The following SEMA5A variants were observed in gnomAD, a reference collection of about 807,000 sequenced individuals.
SEMA5A encodes semaphorin-5A.
SEMA5A carries 55 observed loss-of-function variants against 135.5 expected under a neutral mutation model. The ratio of observed to expected loss-of-function variants is 0.41; its 90% CI spans 0.33 to 0.51. SEMA5A has a LOEUF of 0.51. SEMA5A is among the 20% of genes least tolerant of loss of function. SEMA5A has a pLI of 0.37. For synonymous variants in SEMA5A, 580 were observed against 546.5 expected (o/e 1.06, Z -0.85); for missense variants, 1,290 against 1,419.9 (o/e 0.91, Z 1.47).
intron 16 of SEMA5A, among the ~76,000 whole-genome samples, chr5:9,073,297 G>C (rs544427149): frequency 1.3e-5 from 2 of 152,184 alleles, no homozygotes; most frequent in East Asian, 1.9e-4. Flanking sequence ...ATGAAAGACT[G>C]GGTTATCATT....
chr5:9,257,157 G>A lies in SEMA5A; in HGVS notation c.271-19267C>T, dbSNP rs114479987. Among the ~76,000 whole-genome samples, 1,354 of 152,324 alleles carry A rather than the reference G, an allele frequency of 8.9e-3. 13 individuals are homozygous for A. Among genetic ancestry groups the A allele is most frequent in the Non-Finnish European group, 0.012 (839 of 68,032 alleles). On this transcript the variant is annotated intron_variant, in intron 5 of 22. Transcript: ENST00000382496. ...TGAGTGAGTGTGGCTTAACTGGGGC[G>A]GTGGGAGTTGCCACCTGGCCCTTGA...
chr5:9,186,064 C>T (rs1418018630), intron 11 of SEMA5A, among the ~76,000 whole-genome samples: 3 of 152,146 alleles, frequency 2.0e-5, no homozygotes, highest in Admixed American at 2.0e-4. Context: ...TATGAGACTC[C>T]GTCACTAACA....
rs554587957 is a variant in SEMA5A at position 9,340,267 on chromosome 5, G to C, written c.125-2455C>G. On this transcript the variant is annotated intron_variant, in intron 3 of 22. Coordinates refer to ENST00000382496, the MANE Select transcript of SEMA5A (RefSeq NM_003966.3). ...ACCAGGCTCCAGAGTGAATATCAGG[G>C]GCTCTGTTCACCACAACTCACAGCC... Among the ~76,000 whole-genome samples, 13 of 152,226 alleles carry C rather than the reference G, an allele frequency of 8.5e-5. No homozygotes were observed. In the South Asian group the frequency reaches 2.7e-3, roughly 32 times the overall value.
rs1364546777 is a variant in SEMA5A at position 9,379,950 on chromosome 5, G to A, written c.-4C>T. On this transcript the variant is annotated 5_prime_UTR_variant, in exon 3 of 23. Transcript: ENST00000382496. ...CTATAACACAGGTTCCCTTCATGGT[G>A]GGCAAGGGGCCTCTGACTCTGGGCA... 6.2e-7 allele frequency: 1 copy of A among 1,607,916 alleles called. No homozygotes were observed. The highest frequency in any genetic ancestry group is 1.3e-5 in the African/African-American group (1 of 74,546).
intron 4 of SEMA5A, among the ~76,000 whole-genome samples, chr5:9,332,326 G>C (rs7715423): frequency 6.6e-6 from 1 of 151,760 alleles, no homozygotes; most frequent in South Asian, 2.1e-4. Context: ...GGTGTGCAAC[G>C]TGTGCAGTTG....
intron 1 of SEMA5A, among the ~76,000 whole-genome samples, chr5:9,516,394 C>T (rs1334364117): frequency 6.6e-6 from 1 of 152,198 alleles, no homozygotes; most frequent in African/African-American, 2.4e-5. Flanking sequence ...TTGGAAGCAG[C>T]ACTTAGAATC....
rs76887324 is a variant in SEMA5A, at chr5:9,289,668, T to TA, written c.270+28703dup. 7.3e-3 allele frequency among the ~76,000 whole-genome samples: 1,033 copies of TA among 142,344 alleles called. 13 individuals carry two copies. Among genetic ancestry groups the TA allele is most frequent in the South Asian group, 0.043 (194 of 4,482 alleles). The allele number at this position is 142,344 out of a possible 152,430, so 93.4% of individuals were successfully genotyped here. ...TGACAGAGCAAGACTGTCTCAAAAA[T>TA]AAAAAAAAAAAAATCCAATTACATC... On this transcript the variant is annotated intron_variant, in intron 5 of 22. Coordinates refer to ENST00000382496, the MANE Select transcript of SEMA5A (RefSeq NM_003966.3).
chr5:9,290,154 C>G (rs1247927582), intron 5 of SEMA5A, among the ~76,000 whole-genome samples: 1 of 152,052 alleles, frequency 6.6e-6, no homozygotes, highest in Non-Finnish European at 1.5e-5. Flanking sequence ...CACCTATCAC[C>G]CAAGCAGGCT....
chr5:9,173,007 T>G (rs1454112857), intron 11 of SEMA5A, among the ~76,000 whole-genome samples: 2 of 152,234 alleles, frequency 1.3e-5, no homozygotes, highest in Non-Finnish European at 2.9e-5. Context: ...AATCTGGTGA[T>G]AAGTGTTCTC....
chr5:9,219,923 A>C (rs1033893824), intron 8 of SEMA5A, among the ~76,000 whole-genome samples: 1 of 152,170 alleles, frequency 6.6e-6, no homozygotes, highest in African/African-American at 2.4e-5. Flanking sequence ...AGATCTGTGA[A>C]TGGTCCTCAG....
intron 1 of SEMA5A, among the ~76,000 whole-genome samples, chr5:9,453,060 G>A (rs1278537949): frequency 6.6e-6 from 1 of 152,112 alleles, no homozygotes; most frequent in Non-Finnish European, 1.5e-5. Flanking sequence ...GTCTAAACAC[G>A]TACTTTATAC....
At chr5:9,147,691 C>G (rs973845243) in intron 12 of SEMA5A, among the ~76,000 whole-genome samples, 1 of 144,490 alleles carries the variant, frequency 6.9e-6, no homozygotes, top group Admixed American at 7.1e-5. Context: ...CTCCTTTCCC[C>G]CAATTAGTTC....
rs560391510 is a variant in SEMA5A at position 9,054,202 on chromosome 5, G to T, written c.2574C>A (p.Gly858=). 1 of 1,613,958 alleles carries T rather than the reference G, an allele frequency of 6.2e-7. No homozygotes were observed. The highest frequency in any genetic ancestry group is 8.5e-7 in the Non-Finnish European group (1 of 1,179,958). The change falls in exon 19 of 23, where the codon GGC becomes GGA. Residue 858 remains glycine (G), a synonymous_variant. Coordinates refer to ENST00000382496, the MANE Select transcript of SEMA5A (RefSeq NM_003966.3). Reference sequence around the variant, plus strand: ...AGCGGGTCCTCATATAGTGTCCACCGCCGCATGTTGCTGAACATTTTGTCC... The same window carrying T: ...AGCGGGTCCTCATATAGTGTCCACCTCCGCATGTTGCTGAACATTTTGTCC... ...SPWTKCSATC[G]GGHYMRTRSC...
chr5:9,221,552 T>TG (rs1561038816), intron 8 of SEMA5A, among the ~76,000 whole-genome samples: 2 of 150,782 alleles, frequency 1.3e-5, no homozygotes, highest in African/African-American at 4.9e-5. Context: ...TCCGCCCGCC[T>TG]CGGCCTCCCA....
At chr5:9,130,935 A>G (rs1741376452) in intron 13 of SEMA5A, among the ~76,000 whole-genome samples, 1 of 152,156 alleles carries the variant, frequency 6.6e-6, no homozygotes, top group Admixed American at 6.5e-5. Context: ...ACTATAGTCT[A>G]TGGTACTGCC....
At chr5:9,329,906 C>T (rs967547390) in intron 4 of SEMA5A, among the ~76,000 whole-genome samples, 1 of 152,128 alleles carries the variant, frequency 6.6e-6, no homozygotes, top group Non-Finnish European at 1.5e-5. Context: ...CTCTAGATTA[C>T]TTATATCGAG....
chr5:9,088,659 T>TATATATATATATATATATATATACACAC, intron 16 of SEMA5A, among the ~76,000 whole-genome samples: 40 of 112,844 alleles, frequency 3.5e-4, no homozygotes, highest in Non-Finnish European at 4.7e-4. Flanking sequence ...TATATATATA[T>TATATATATATATATATATATATACACAC]ACACACACAC....
chr5:9,328,120 C>T lies in SEMA5A; in HGVS notation c.224+9593G>A, dbSNP rs565843822. 2.0e-5 allele frequency among the ~76,000 whole-genome samples: 3 copies of T among 152,272 alleles called. No individual in the cohort carries two copies. The South Asian group carries it at 6.2e-4, about 32-fold the overall frequency. ...ATATGCTCTATCCCAGTCACACTCC[C>T]AAAACTCACTGAATGGTTTGATGCT... On this transcript the variant is annotated intron_variant, in intron 4 of 22. Transcript: ENST00000382496.
intron 10 of SEMA5A, among the ~76,000 whole-genome samples, chr5:9,191,799 T>G (rs1025391558): frequency 1.1e-4 from 16 of 152,116 alleles, no homozygotes; most frequent in Admixed American, 5.9e-4. Flanking sequence ...AGGCAAGGAC[T>G]GTGTGAGTTT....
Sources: gnomAD v4.1 joint callset for allele counts (sites outside exome capture counted in the v4.1 genomes callset) on GRCh38, gnomAD v4.1.1 for gene constraint, MANE v1.5 for transcripts, NCBI Gene and HGNC (gene_info 2026-07-23, HGNC 2026-07-21) for gene names.